Variants in SEC22B observed in about 807,000 individuals in gnomAD.
The protein encoded by SEC22B is SEC22 homolog B, vesicle trafficking protein, also known as vesicle-trafficking protein SEC22b.
SEC22B carries 10 observed loss-of-function variants against 31.4 expected under a neutral mutation model. The ratio of observed to expected loss-of-function variants is 0.32; its 90% CI spans 0.20 to 0.54. The LOEUF (loss-of-function observed/expected upper bound fraction) is 0.54. SEC22B is among the 20% of genes least tolerant of loss of function. SEC22B has a pLI of 0.94. For synonymous variants in SEC22B, 60 were observed against 95.9 expected (o/e 0.63, Z 2.19); for missense variants, 130 against 263.4 (o/e 0.49, Z 3.50).
At chr1:120,168,624 A>G (rs1475963641) in intron 2 of SEC22B, among the ~76,000 whole-genome samples, 3 of 150,970 alleles carry the variant, frequency 2.0e-5, no homozygotes, top group Admixed American at 2.0e-4. Flanking sequence ...CATGATGGGC[A>G]CAGCATAGAC....
chr1:120,151,044 G>C lies in SEC22B; in HGVS notation c.*5994C>G, dbSNP rs189888574. The C allele has an allele frequency of 9.8e-5, 15 of 152,300 alleles. No individual in the cohort carries two copies. The highest frequency in any genetic ancestry group is 9.8e-4 in the Admixed American group (15 of 15,286). 9.4% of individuals were successfully genotyped at this position (152,300 alleles called of 1,614,324 possible). On this transcript the variant is annotated 3_prime_UTR_variant, in exon 5 of 5. Coordinates refer to ENST00000578049, the MANE Select transcript of SEC22B (RefSeq NM_004892.6). ...TTAGCAACCTAATTACCTCTTAAAAGTACCATCTCCCAACACTATTACATT... is the reference window on the plus strand; with the variant it reads ...TTAGCAACCTAATTACCTCTTAAAACTACCATCTCCCAACACTATTACATT...
At chr1:120,174,268 G>A (rs1372145660) in intron 1 of SEC22B, among the ~76,000 whole-genome samples, 1 of 152,300 alleles carries the variant, frequency 6.6e-6, no homozygotes, top group East Asian at 1.9e-4. Context: ...ATAAAAAAAT[G>A]AACTTAATAG....
chr1:120,160,002 G>A (rs1336373276), intron 4 of SEC22B, among the ~76,000 whole-genome samples: 1 of 143,044 alleles, frequency 7.0e-6, no homozygotes, highest in Non-Finnish European at 1.5e-5. Flanking sequence ...GATGAAAATG[G>A]CATTTTATAA....
Position 120,160,389 on chromosome 1 carries a change from A to C in SEC22B, c.488T>G (p.Leu163Arg). ...IEEVLQRGEA[L>R]SALDSKANNL... is the part of the protein sequence containing the mutation. ...GACTCATTGCTTTTAGATACCTGAG[A>C]GTGCTTCTCCTCGTTGTAACACTTC... The change falls in exon 4 of 5, where the codon CTC (leucine) becomes CGC (arginine). Residue 163 changes from leucine to arginine, a missense_variant. Transcript: ENST00000578049. 1.2e-6 allele frequency: 2 copies of C among 1,609,882 alleles called. No individual in the cohort carries two copies. Among genetic ancestry groups the C allele is most frequent in the Non-Finnish European group, 1.7e-6 (2 of 1,178,034 alleles).
intron 2 of SEC22B, among the ~76,000 whole-genome samples, chr1:120,168,175 T>C: frequency 6.6e-6 from 1 of 152,162 alleles, no homozygotes; most frequent in South Asian, 2.1e-4. Flanking sequence ...TCTGATGCTC[T>C]TGTACTCTTT....
At chr1:120,160,620 T>C in intron 3 of SEC22B, 90 bp from the exon 4 acceptor site, 1 of 1,163,320 alleles carries the variant, frequency 8.6e-7, no homozygotes, top group Non-Finnish European at 1.2e-6. Context: ...CCAGGCGCGG[T>C]GGCTCACACC....
chr1:120,176,170 G>A, intron 1 of SEC22B, 137 bp downstream of exon 1: 1 of 714,450 alleles, frequency 1.4e-6, no homozygotes, highest in Non-Finnish European at 2.3e-6. Flanking sequence ...TACACCAAAA[G>A]ATAAAAGCGC....
chr1:120,175,592 C>G (rs1345544142), intron 1 of SEC22B, among the ~76,000 whole-genome samples: 1 of 152,186 alleles, frequency 6.6e-6, no homozygotes, highest in African/African-American at 2.4e-5. Context: ...TTTAAGACAT[C>G]TGGAGTTAGT....
chr1:120,175,601 G>C (rs1657944941), intron 1 of SEC22B, among the ~76,000 whole-genome samples: 2 of 152,212 alleles, frequency 1.3e-5, no homozygotes. Context: ...TCTGGAGTTA[G>C]TGCTGTTTTT....
intron 1 of SEC22B, 150 bp from the exon 2 acceptor site, chr1:120,169,099 G>A (rs1395028490): frequency 7.9e-6 from 3 of 379,994 alleles, no homozygotes; most frequent in Non-Finnish European, 1.4e-5. Context: ...CCTACTTTCA[G>A]AGTACAGAGG....
In SEC22B at chr1:120,176,351, C is replaced by T; in HGVS notation, c.31G>A (p.Ala11Thr). Reference sequence around the variant, plus strand: ...GAGGCGGCCAGCGGGAGCCCGTCCGCCACTCGGGCGATCATTGTTAGCAAC... The same window carrying T: ...GAGGCGGCCAGCGGGAGCCCGTCCGTCACTCGGGCGATCATTGTTAGCAAC... MVLLTMIARV[A>T]DGLPLAASMQ... is the part of the protein sequence containing the mutation. The change falls in exon 1 of 5, where the codon GCG becomes ACG. Residue 11 changes from alanine (A) to threonine (T), a missense_variant. Transcript: ENST00000578049. 6.2e-7 allele frequency: 1 copy of T among 1,613,590 alleles called. No homozygotes were observed. The highest frequency in any genetic ancestry group is 8.5e-7 in the Non-Finnish European group (1 of 1,179,854).
intron 3 of SEC22B, 35 bp from the exon 4 acceptor site, chr1:120,160,565 T>G (rs1657698646): frequency 4.6e-6 from 7 of 1,526,986 alleles, no homozygotes; most frequent in Non-Finnish European, 6.2e-6. Flanking sequence ...ATTTCTTTCA[T>G]GGCCATCAAA....
intron 2 of SEC22B, among the ~76,000 whole-genome samples, chr1:120,164,636 T>A (rs1187646816): frequency 0.19 from 26,893 of 143,722 alleles, no homozygotes; most frequent in African/African-American, 0.31. Context: ...TTCCATACTG[T>A]ATATATACTA....
chr1:120,156,860 T>C lies in SEC22B; in HGVS notation c.*178A>G, dbSNP rs1570864649. 2.4e-5 allele frequency: 10 copies of C among 409,094 alleles called. No homozygotes were observed. The highest frequency in any genetic ancestry group is 3.4e-5 in the Non-Finnish European group (8 of 233,238). The allele number at this position is 409,094 out of a possible 1,614,324, so 25.3% of individuals were successfully genotyped here. A position where few individuals can be genotyped will look rare whatever the true frequency, so the allele number is the denominator to read the frequency against. ...CCCGAAAGAGACTTTCTACATAGGG[T>C]TAAGCTTCATTAAATGAGGTGCAAC... On this transcript the variant is annotated 3_prime_UTR_variant, in exon 5 of 5. Transcript: ENST00000578049.
chr1:120,156,638 AG>A lies in SEC22B; in HGVS notation c.*399del, dbSNP rs1657630870. On this transcript the variant is annotated 3_prime_UTR_variant, in exon 5 of 5. Coordinates refer to ENST00000578049, the MANE Select transcript of SEC22B (RefSeq NM_004892.6). ...AAAAAAAAAAAAAACACCTTCCCAA[AG>A]GACTGCCTTCTTTGAAGGAATTTCA... 2 of 151,704 alleles carry A rather than the reference AG, an allele frequency of 1.3e-5. No individual in the cohort carries two copies. Among genetic ancestry groups the A allele is most frequent in the African/African-American group, 2.5e-5 (1 of 40,482 alleles). 9.4% of individuals were successfully genotyped at this position (151,704 alleles called of 1,614,324 possible). A position where few individuals can be genotyped will look rare whatever the true frequency, so the allele number is the denominator to read the frequency against.
chr1:120,174,354 C>T (rs1222672355), intron 1 of SEC22B, among the ~76,000 whole-genome samples: 1 of 152,242 alleles, frequency 6.6e-6, no homozygotes, highest in African/African-American at 2.4e-5. Flanking sequence ...AAAAGTAAGC[C>T]TAAGATTCAG....
rs1321895280 is a variant in SEC22B at position 120,153,375 on chromosome 1, C to T, written c.*3663G>A. ...CCCTAGCCCTTTGTCATGAAAGCTACCAATAAGGTGGAAATTTAAAATATG... is the reference window on the plus strand; with the variant it reads ...CCCTAGCCCTTTGTCATGAAAGCTATCAATAAGGTGGAAATTTAAAATATG... On this transcript the variant is annotated 3_prime_UTR_variant, in exon 5 of 5. Transcript: ENST00000578049. The T allele has an allele frequency of 1.3e-5, 2 of 151,558 alleles. No homozygotes were observed. Among genetic ancestry groups the T allele is most frequent in the Admixed American group, 1.3e-4 (2 of 15,232 alleles). The allele number at this position is 151,558 out of a possible 1,614,324, so 9.4% of individuals were successfully genotyped here. A position where few individuals can be genotyped will look rare whatever the true frequency, so the allele number is the denominator to read the frequency against.
At chr1:120,164,933 CTTT>C (rs1265484721) in intron 2 of SEC22B, among the ~76,000 whole-genome samples, 1 of 152,138 alleles carries the variant, frequency 6.6e-6, no homozygotes, top group Non-Finnish European at 1.5e-5. Flanking sequence ...TGTTTTTTGA[CTTT>C]TTAATAATAG....
At position 120,153,268 on chromosome 1, in the gene SEC22B, A is replaced by C. The variant is rs1398290868; in HGVS notation, c.*3770T>G. On this transcript the variant is annotated 3_prime_UTR_variant, in exon 5 of 5. Coordinates refer to ENST00000578049, the MANE Select transcript of SEC22B (RefSeq NM_004892.6). ...AAAAACCAACCAACCAACCAACCAA[A>C]CAAAAGAAAAACCCACCAGGTAGGA... 6.8e-6 allele frequency: 1 copy of C among 146,320 alleles called. No individual in the cohort carries two copies. Among genetic ancestry groups the C allele is most frequent in the Non-Finnish European group, 1.5e-5 (1 of 67,652 alleles). 9.1% of individuals were successfully genotyped at this position (146,320 alleles called of 1,614,324 possible).
Sources: gnomAD v4.1 joint callset for allele counts (sites outside exome capture counted in the v4.1 genomes callset) on GRCh38, gnomAD v4.1.1 for gene constraint, MANE v1.5 for transcripts, NCBI Gene and HGNC (gene_info 2026-07-23, HGNC 2026-07-21) for gene names.